The following TTC28 variants were observed in gnomAD, a reference collection of about 807,000 sequenced individuals.
TTC28 encodes tetratricopeptide repeat protein 28.
TTC28 carries 61 observed loss-of-function variants against 198.0 expected under a neutral mutation model. The observed-to-expected ratio is 0.31, with a 90% CI of 0.25 to 0.38. The LOEUF (loss-of-function observed/expected upper bound fraction) is 0.38. Among genes scored for constraint, TTC28 ranks in the 10% least tolerant of loss-of-function variants. The probability of loss-of-function intolerance (pLI) is 1.00; values close to 1 mark genes in which losing one functional copy is unlikely to be tolerated. For synonymous variants in TTC28, 1,171 were observed against 1,297.8 expected, an observed-to-expected ratio of 0.90 and a Z score of 2.10; for missense variants, 2,678 against 3,164.0, an observed-to-expected ratio of 0.85 and a Z score of 3.69.
chr22:28,140,558 G>T (rs1943307812), intron 6 of TTC28, among the ~76,000 whole-genome samples: 1 of 152,186 alleles, frequency 6.6e-6, no homozygotes. Context: ...CGAGTTCTAA[G>T]AAGTTAAGAT....
At chr22:28,278,901 C>G (rs144126890) in intron 5 of TTC28, among the ~76,000 whole-genome samples, 1 of 152,246 alleles carries the variant, frequency 6.6e-6, no homozygotes, top group Non-Finnish European at 1.5e-5. Flanking sequence ...GGGGTACGTA[C>G]AGCCAGGAAA....
At chr22:28,100,629 G>T (rs1014083360) in intron 9 of TTC28, among the ~76,000 whole-genome samples, 1 of 152,124 alleles carries the variant, frequency 6.6e-6, no homozygotes, top group Non-Finnish European at 1.5e-5. Flanking sequence ...AATGTCCTCT[G>T]CAGTCACCAC....
At chr22:28,161,784 T>TGGAGGAAG (rs1240599144) in intron 6 of TTC28, among the ~76,000 whole-genome samples, 12 of 108,462 alleles carry the variant, frequency 1.1e-4, no homozygotes, top group South Asian at 6.6e-4. Context: ...AAGAGAGGAA[T>TGGAGGAAG]GGAGGAAGGG....
In TTC28 at chr22:28,629,808, G is replaced by C; in HGVS notation, c.125C>G (p.Thr42Ser). 1.3e-6 allele frequency: 2 copies of C among 1,551,230 alleles called. No individual in the cohort carries two copies. Among genetic ancestry groups the C allele is most frequent in the Non-Finnish European group, 1.7e-6 (2 of 1,146,812 alleles). ...SAPIPLFGAD[T>S]IGQRSPDGPV... ...TCCATCAGGACTTCTCTGGCCAATA[G>C]TGTCAGCACCAAAGAGAGGAATCTA... The change falls in exon 2 of 23, where the codon ACT (threonine) becomes AGT (serine). Residue 42 changes from threonine (T) to serine (S), a missense_variant. Thr to Ser is a moderately conservative substitution (Grantham distance 58). Coordinates refer to ENST00000397906, the MANE Select transcript of TTC28 (RefSeq NM_001145418.2).
chr22:28,463,453 C>T (rs2047977165), intron 2 of TTC28, among the ~76,000 whole-genome samples: 1 of 152,128 alleles, frequency 6.6e-6, no homozygotes, highest in Non-Finnish European at 1.5e-5. Context: ...ACTATAATGG[C>T]ACATGCACAC....
intron 2 of TTC28, among the ~76,000 whole-genome samples, chr22:28,588,137 G>A (rs1452503526): frequency 4.4e-5 from 5 of 114,102 alleles, no homozygotes; most frequent in South Asian, 3.7e-4. Context: ...GGGAGACTCC[G>A]TCTCAAAAAA....
chr22:28,335,945 T>C (rs1320881020), intron 2 of TTC28, among the ~76,000 whole-genome samples: 1 of 152,232 alleles, frequency 6.6e-6, no homozygotes, highest in Non-Finnish European at 1.5e-5. Flanking sequence ...TTCCAGTTTT[T>C]GGCCATTCAG....
Position 27,983,305 on chromosome 22 carries a change from G to C in TTC28, c.6362C>G (p.Pro2121Arg). Reference sequence around the variant, plus strand: ...TGCTAGTTTTCCCACCTTTTGGAAGGGTGAGTTGGGGCTGGGAATCAGAGT... The same window carrying C: ...TGCTAGTTTTCCCACCTTTTGGAAGCGTGAGTTGGGGCTGGGAATCAGAGT... ...KMTLIPSPNS[P>R]FQKVGKLASS... The change falls in exon 23 of 23, where the codon CCC becomes CGC. Residue 2121 changes from proline (P) to arginine (R), a missense_variant. Coordinates refer to ENST00000397906, the MANE Select transcript of TTC28 (RefSeq NM_001145418.2). 1 of 1,552,066 alleles carries C rather than the reference G, an allele frequency of 6.4e-7. No individual in the cohort carries two copies. The highest frequency in any genetic ancestry group is 8.7e-7 in the Non-Finnish European group (1 of 1,147,102).
chr22:28,292,022 ATTAG>A (rs201468569), intron 5 of TTC28, among the ~76,000 whole-genome samples: 2,907 of 152,118 alleles, frequency 0.019, 29 homozygotes, highest in Non-Finnish European at 0.026. Flanking sequence ...AGTATTTATA[ATTAG>A]TTATTTTCAT....
At chr22:28,285,805 T>C (rs2044673213) in intron 5 of TTC28, among the ~76,000 whole-genome samples, 1 of 152,166 alleles carries the variant, frequency 6.6e-6, no homozygotes, top group African/African-American at 2.4e-5. Context: ...TAGTTCTAAA[T>C]GTATACAAAG....
intron 1 of TTC28, among the ~76,000 whole-genome samples, chr22:28,676,077 A>G (rs2051983809): frequency 6.6e-6 from 1 of 151,154 alleles, no homozygotes; most frequent in Non-Finnish European, 1.5e-5. Flanking sequence ...TCATAGCAGC[A>G]TTATTCATAA....
chr22:28,404,393 T>C (rs1318500443), intron 2 of TTC28, among the ~76,000 whole-genome samples: 1 of 152,154 alleles, frequency 6.6e-6, no homozygotes, highest in Non-Finnish European at 1.5e-5. Flanking sequence ...GCTGGGTTAC[T>C]GGCGTGAGAC....
rs115437328 is a variant in TTC28 at position 28,022,862 on chromosome 22, C to T, written c.4073+7364G>A. 9.5e-3 allele frequency among the ~76,000 whole-genome samples: 1,449 copies of T among 152,374 alleles called. 26 individuals carry two copies. The highest frequency in any genetic ancestry group is 0.032 in the African/African-American group (1,351 of 41,590). On this transcript the variant is annotated intron_variant, in intron 13 of 22. Coordinates refer to ENST00000397906, the MANE Select transcript of TTC28 (RefSeq NM_001145418.2). ...TCTGAAACCATTCAGTGACTTCCCTCCACGAACATCCTCACACAAAAGGTT... is the reference window on the plus strand; with the variant it reads ...TCTGAAACCATTCAGTGACTTCCCTTCACGAACATCCTCACACAAAAGGTT...
At chr22:28,137,058 T>G (rs1943216229) in intron 6 of TTC28, among the ~76,000 whole-genome samples, 1 of 152,212 alleles carries the variant, frequency 6.6e-6, no homozygotes, top group African/African-American at 2.4e-5. Context: ...ACCAGTATTC[T>G]CATGGCTGTT....
intron 2 of TTC28, among the ~76,000 whole-genome samples, chr22:28,550,042 T>G (rs2049632483): frequency 6.6e-6 from 1 of 152,192 alleles, no homozygotes; most frequent in African/African-American, 2.4e-5. Flanking sequence ...AGATCAATGA[T>G]AACCATTTTC....
At chr22:28,523,479 C>T (rs769110905) in intron 2 of TTC28, among the ~76,000 whole-genome samples, 2 of 152,232 alleles carry the variant, frequency 1.3e-5, no homozygotes, top group Non-Finnish European at 2.9e-5. Flanking sequence ...ACTACTGAGG[C>T]CTTAACTAGT....
intron 2 of TTC28, among the ~76,000 whole-genome samples, chr22:28,337,781 T>C (rs1267958135): frequency 1.3e-5 from 2 of 152,180 alleles, no homozygotes; most frequent in Non-Finnish European, 1.5e-5. Flanking sequence ...TGATGGGTCT[T>C]GACTCTTTAT....
intron 12 of TTC28, among the ~76,000 whole-genome samples, chr22:28,085,987 A>T (rs1296794162): frequency 6.6e-6 from 1 of 152,196 alleles, no homozygotes; most frequent in Non-Finnish European, 1.5e-5. Flanking sequence ...TATGCACCCA[A>T]TACAGGAGCA....
chr22:28,671,134 G>C (rs118037283), intron 1 of TTC28, among the ~76,000 whole-genome samples: 1 of 151,876 alleles, frequency 6.6e-6, no homozygotes, highest in Non-Finnish European at 1.5e-5. Flanking sequence ...TTGTAGAGAA[G>C]AGGTGTTACT....
Sources: gnomAD v4.1 joint callset for allele counts (sites outside exome capture counted in the v4.1 genomes callset) on GRCh38, gnomAD v4.1.1 for gene constraint, MANE v1.5 for transcripts, NCBI Gene and HGNC (gene_info 2026-07-23, HGNC 2026-07-21) for gene names.